The following NBR1 variants were observed in gnomAD, a reference collection of about 807,000 sequenced individuals.
The protein encoded by NBR1 is NBR1 autophagy cargo receptor, also known as next to BRCA1 gene 1 protein.
A neutral mutation model predicts 115.5 loss-of-function variants in NBR1; 59 were observed. The ratio of observed to expected loss-of-function variants is 0.51; its 90% CI spans 0.41 to 0.63. NBR1 has a LOEUF of 0.63. NBR1 is among the 30% of genes least tolerant of loss of function. The pLI, the probability that NBR1 is intolerant of heterozygous loss-of-function variation, is 0.00. For synonymous variants in NBR1, 373 were observed against 414.7 expected, an observed-to-expected ratio of 0.90 and a Z score of 1.22; for missense variants, 1,043 against 1,150.5, an observed-to-expected ratio of 0.91 and a Z score of 1.35.
chr17:43,177,946 C>T lies in NBR1; in HGVS notation c.113C>T (p.Ser38Leu). 1 of 1,542,672 alleles carries T rather than the reference C, an allele frequency of 6.5e-7. No individual in the cohort carries two copies. Among genetic ancestry groups the T allele is most frequent in the Non-Finnish European group, 8.9e-7 (1 of 1,128,844 alleles). The change falls in exon 3 of 21, where the codon TCA becomes TTA. Residue 38 changes from serine (S) to leucine (L), a missense_variant. Ser to Leu is a moderately radical substitution (Grantham distance 145). Coordinates refer to ENST00000590996, the MANE Select transcript of NBR1 (RefSeq NM_005899.5). ...GTATCTCTTTTATAGGTAAAAGTTTCATTTGATCTGAATACTATTCAAATA... is the reference window on the plus strand; with the variant it reads ...GTATCTCTTTTATAGGTAAAAGTTTTATTTGATCTGAATACTATTCAAATA... ...WADIEAMVKV[S>L]FDLNTIQIKY...
At chr17:43,175,698 T>C (rs1464821190) in intron 1 of NBR1, 93 bp from the exon 2 acceptor site, 1 of 618,446 alleles carries the variant, frequency 1.6e-6, no homozygotes, top group African/African-American at 1.9e-5. Context: ...TATTGGGTCC[T>C]CACAAGTATT....
At chr17:43,200,043 A>T in intron 16 of NBR1, 124 bp from the exon 17 acceptor site, 1 of 754,790 alleles carries the variant, frequency 1.3e-6, no homozygotes, top group Non-Finnish European at 2.1e-6. Context: ...CCTTCCCTTT[A>T]GTTCTTCCCT....
chr17:43,203,087 C>T (rs1237281547), intron 19 of NBR1, among the ~76,000 whole-genome samples: 1 of 151,552 alleles, frequency 6.6e-6, no homozygotes, highest in African/African-American at 2.4e-5. Flanking sequence ...ACCCAGGAGG[C>T]GGAGGTTGCA....
rs1352452393 is a variant in NBR1 at position 43,190,679 on chromosome 17, C to T, written c.766C>T (p.Leu256=). The part of the protein sequence containing the change: ...GPYGHDTNHV[L]LKLRRPVVGS... ...ATATGGCCATGACACTAACCACGTC[C>T]TGCTGAAGTTGCGGAGACCTGTTGT... The change falls in exon 9 of 21, where the codon CTG becomes TTG. Residue 256 remains leucine, a synonymous_variant. Transcript: ENST00000590996. The T allele has an allele frequency of 6.2e-7, 1 of 1,613,766 alleles. No individual in the cohort carries two copies. The highest frequency in any genetic ancestry group is 8.5e-7 in the Non-Finnish European group (1 of 1,179,796).
intron 4 of NBR1, among the ~76,000 whole-genome samples, chr17:43,180,066 G>C (rs916354047): frequency 1.3e-5 from 2 of 152,184 alleles, no homozygotes; most frequent in Non-Finnish European, 2.9e-5. Context: ...TATATAATAA[G>C]CTAAGAATTC....
At position 43,193,595 on chromosome 17, in the gene NBR1, T is replaced by C; in HGVS notation, c.1481T>C (p.Met494Thr). 2 of 1,611,710 alleles carry C rather than the reference T, an allele frequency of 1.2e-6. No homozygotes were observed. Among genetic ancestry groups the C allele is most frequent in the Non-Finnish European group, 1.7e-6 (2 of 1,178,944 alleles). ...EESPDNIEKG[M>T]ISSSKTDDLT... Reference sequence around the variant, plus strand: ...AGCCCTGATAACATTGAAAAGGGCATGATCAGCTCAAGCAAAACTGATGAT... The same window carrying C: ...AGCCCTGATAACATTGAAAAGGGCACGATCAGCTCAAGCAAAACTGATGAT... The change falls in exon 12 of 21, where the codon ATG becomes ACG. Residue 494 changes from methionine (M) to threonine (T), a missense_variant. By Grantham distance (81) the Met-to-Thr change is moderately conservative. Transcript: ENST00000590996.
chr17:43,209,137 C>T (rs1035476388), intron 20 of NBR1, among the ~76,000 whole-genome samples: 8 of 151,118 alleles, frequency 5.3e-5, no homozygotes, highest in South Asian at 2.1e-4. Context: ...AGTGCAATGG[C>T]GCGATCTCGG....
chr17:43,200,259 G>A lies in NBR1; in HGVS notation c.2119G>A (p.Asp707Asn). The change falls in exon 17 of 21, where the codon GAT (aspartate) becomes AAT (asparagine). Residue 707 changes from aspartate (D) to asparagine (N), a missense_variant. Coordinates refer to ENST00000590996, the MANE Select transcript of NBR1 (RefSeq NM_005899.5). ...AGAAGCTGTCATGGAGGAGGAGGAG[G>A]ATGAGGAGGATGAGGAGGAGGAGGA... is the stretch of plus-strand genomic sequence containing the variant. ...EEEAVMEEEE[D>N]EEDEEEEDEL... 1.3e-6 allele frequency: 2 copies of A among 1,547,668 alleles called. No homozygotes were observed. Among genetic ancestry groups the A allele is most frequent in the Non-Finnish European group, 1.7e-6 (2 of 1,143,878 alleles).
chr17:43,179,358 A>C (rs768650315), intron 3 of NBR1, 36 bp from the exon 4 acceptor site: 2 of 1,603,200 alleles, frequency 1.2e-6, no homozygotes, highest in Non-Finnish European at 1.7e-6. Flanking sequence ...CTGATGAGAC[A>C]CTTATAATTC....
intron 3 of NBR1, 183 bp downstream of exon 3, chr17:43,178,181 G>A: frequency 6.7e-6 from 4 of 592,688 alleles, no homozygotes; most frequent in East Asian, 4.0e-5. Flanking sequence ...AAATGGAGAA[G>A]CAACACTGAA....
At chr17:43,184,437 C>G (rs570057779) in intron 5 of NBR1, among the ~76,000 whole-genome samples, 31 of 141,800 alleles carry the variant, frequency 2.2e-4, no homozygotes, top group African/African-American at 7.6e-4. Context: ...GCCATCTCAG[C>G]TCATTGCAAC....
Position 43,196,468 on chromosome 17 carries a change from C to G in NBR1, c.1751-13C>G. ...TTCTCTTGATTGATGGTTCTCCTGT[C>G]TTCATTCTCCAGATGTGACTCCCTG... On this transcript the variant is annotated splice_polypyrimidine_tract_variant and intron_variant, in intron 14 of 20. Coordinates refer to ENST00000590996, the MANE Select transcript of NBR1 (RefSeq NM_005899.5). The G allele has an allele frequency of 2.0e-6, 3 of 1,489,754 alleles. No individual in the cohort carries two copies. Among genetic ancestry groups the G allele is most frequent in the Non-Finnish European group, 2.7e-6 (3 of 1,101,608 alleles). The allele number at this position is 1,489,754 out of a possible 1,614,324, so 92.3% of individuals were successfully genotyped here.
chr17:43,187,273 C>G (rs150045672), intron 6 of NBR1, among the ~76,000 whole-genome samples: 1 of 152,054 alleles, frequency 6.6e-6, no homozygotes, highest in South Asian at 2.1e-4. Context: ...CTCTGCCTCC[C>G]GGGTTAACAC....
intron 20 of NBR1, 140 bp from the exon 21 acceptor site, chr17:43,209,761 A>G: frequency 1.3e-6 from 2 of 1,489,036 alleles, no homozygotes; most frequent in Non-Finnish European, 1.8e-6. Context: ...GGAGTGCCAT[A>G]GCCTTGAATC....
intron 1 of NBR1, among the ~76,000 whole-genome samples, chr17:43,174,070 T>G (rs11650132): frequency 0.3 from 46,132 of 152,054 alleles, 7,565 homozygotes; most frequent in South Asian, 0.49. Context: ...TAATGATATC[T>G]AGACTGTTTT....
chr17:43,174,557 C>A (rs2056458372), intron 1 of NBR1, among the ~76,000 whole-genome samples: 1 of 152,060 alleles, frequency 6.6e-6, no homozygotes, highest in South Asian at 2.1e-4. Flanking sequence ...AAGATTGTGC[C>A]ACTGCACTTG....
chr17:43,210,014 G>C lies in NBR1; in HGVS notation c.2841G>C (p.Leu947=). ...TGAAGAAACACAATTACAATATCCT[G>C]CAGGTTGTGACAGAACTTCTTCAGT... ...RLLKKHNYNI[L]QVVTELLQLN... The change falls in exon 21 of 21, where the codon CTG becomes CTC. Residue 947 remains leucine (L), a synonymous_variant. Transcript: ENST00000590996. The C allele has an allele frequency of 6.2e-7, 1 of 1,613,430 alleles. No homozygotes were observed.
intron 20 of NBR1, chr17:43,209,591 C>T: frequency 6.5e-7 from 1 of 1,535,498 alleles, no homozygotes; most frequent in Non-Finnish European, 8.7e-7. Context: ...CTTCATCTGG[C>T]CAAAAAATGC....
chr17:43,194,483 A>G lies in NBR1; in HGVS notation c.1658A>G (p.Asp553Gly). The stretch of plus-strand genomic sequence containing the variant: ...AGGGAGCTCTACATCCCATCTGTGG[A>G]TCTTCTGACTGCCCAGGTGGAAGAT... Reference protein sequence around the residue: ...SERELYIPSVDLLTAQDLLSF... With the variant: ...SERELYIPSVGLLTAQDLLSF... Residue 553 changes from aspartate to glycine, a missense_variant, in exon 13 of 21, where the codon GAT becomes GGT. By Grantham distance (94) the Asp-to-Gly change is moderately conservative. Coordinates refer to ENST00000590996, the MANE Select transcript of NBR1 (RefSeq NM_005899.5). The G allele has an allele frequency of 6.2e-7, 1 of 1,613,948 alleles. No individual in the cohort carries two copies. Among genetic ancestry groups the G allele is most frequent in the Non-Finnish European group, 8.5e-7 (1 of 1,179,840 alleles).
Sources: allele counts gnomAD v4.1 joint callset (sites outside exome capture counted in the v4.1 genomes callset), GRCh38; gene constraint gnomAD v4.1.1; transcripts MANE v1.5; gene names NCBI Gene and HGNC (gene_info 2026-07-23, HGNC 2026-07-21).